The following NCOA2 variants were observed in gnomAD, a reference collection of about 807,000 sequenced individuals.
NCOA2 encodes the protein nuclear receptor coactivator 2, also known as class E basic helix-loop-helix protein 75.
NCOA2 carries 21 observed loss-of-function variants against 145.1 expected under a neutral mutation model. That is an observed-to-expected ratio of 0.14 (90% CI 0.10 to 0.21). NCOA2 has a LOEUF of 0.21. Among genes scored for constraint, NCOA2 ranks in the 10% least tolerant of loss-of-function variants. The probability of loss-of-function intolerance (pLI) is 1.00; values close to 1 mark genes in which losing one functional copy is unlikely to be tolerated. For synonymous variants in NCOA2, 619 were observed against 637.5 expected, an observed-to-expected ratio of 0.97 and a Z score of 0.44; for missense variants, 1,472 against 1,837.6, an observed-to-expected ratio of 0.80 and a Z score of 3.64.
chr8:70,412,314 AC>A, the NCOA2 span, among the ~76,000 whole-genome samples: 3 of 151,730 alleles, frequency 2.0e-5, no homozygotes, highest in African/African-American at 7.3e-5. Context: ...AGATTACTTT[AC>A]AAAAATAAGT....
At chr8:70,201,433 G>A (rs779113886) in intron 4 of NCOA2, among the ~76,000 whole-genome samples, 31 of 152,142 alleles carry the variant, frequency 2.0e-4, no homozygotes, top group Non-Finnish European at 3.8e-4. Flanking sequence ...CACCTAAGCT[G>A]TAAGAGGCTC....
chr8:70,185,808 A>G (rs868785778), intron 4 of NCOA2, among the ~76,000 whole-genome samples: 1 of 152,158 alleles, frequency 6.6e-6, no homozygotes, highest in East Asian at 1.9e-4. Flanking sequence ...AGGGAGGAAA[A>G]TAAGTGGGTA....
At chr8:70,335,340 G>C (rs1807493442) in intron 1 of NCOA2, among the ~76,000 whole-genome samples, 1 of 151,978 alleles carries the variant, frequency 6.6e-6, no homozygotes, top group African/African-American at 2.4e-5. Context: ...CTCAAAAGCA[G>C]AACTGAGCTG....
the NCOA2 span, among the ~76,000 whole-genome samples, chr8:70,418,939 T>A: frequency 6.6e-6 from 1 of 152,280 alleles, no homozygotes; most frequent in South Asian, 2.1e-4. Flanking sequence ...ATAAACATAA[T>A]ACCAGCAATG....
At chr8:70,147,573 T>C (rs542642878) in intron 12 of NCOA2, among the ~76,000 whole-genome samples, 49 of 152,354 alleles carry the variant, frequency 3.2e-4, no homozygotes, top group East Asian at 1.9e-4. Flanking sequence ...ACTTCAGGTA[T>C]TAATCAAGTT....
Position 70,119,029 on chromosome 8 carries a change from T to TG in NCOA2, c.4383+2272dup, listed in dbSNP as rs1807468912. The stretch of plus-strand genomic sequence containing the variant: ...TTTTATTTTTATTTGTTCAAATTTA[T>TG]GGGGGTACATATGAAATTTCATTAC... On this transcript the variant is annotated intron_variant, in intron 22 of 22. Coordinates refer to ENST00000452400, the MANE Select transcript of NCOA2 (RefSeq NM_006540.4). Among the ~76,000 whole-genome samples the TG allele has an allele frequency of 2.0e-5, 3 of 152,278 alleles. No homozygotes were observed. The South Asian group carries it at 6.2e-4, about 32-fold the overall frequency.
intron 1 of NCOA2, among the ~76,000 whole-genome samples, chr8:70,381,833 C>T (rs964049629): frequency 3.9e-5 from 6 of 152,098 alleles, no homozygotes; most frequent in African/African-American, 9.7e-5. Context: ...GTGCTCACAA[C>T]CACAATAAAT....
chr8:70,191,469 C>G (rs1039065229), intron 4 of NCOA2, among the ~76,000 whole-genome samples: 1 of 152,210 alleles, frequency 6.6e-6, no homozygotes, highest in Non-Finnish European at 1.5e-5. Flanking sequence ...CTAGTCCCCC[C>G]ACTTAGAATA....
At chr8:70,222,259 A>G (rs1820206199) in intron 2 of NCOA2, among the ~76,000 whole-genome samples, 1 of 152,214 alleles carries the variant, frequency 6.6e-6, no homozygotes, top group Non-Finnish European at 1.5e-5. Context: ...TTTTAAAAAT[A>G]ACAATAAGAT....
chr8:70,166,763 G>C lies in NCOA2; in HGVS notation c.542-9C>G. The C allele has an allele frequency of 2.5e-6, 4 of 1,604,488 alleles. No individual in the cohort carries two copies. The South Asian group carries it at 4.5e-5, about 18-fold the overall frequency. On this transcript the variant is annotated splice_polypyrimidine_tract_variant and intron_variant, in intron 6 of 22. Transcript: ENST00000452400. ...CCAAGATCCCCCATTTACTGAGCAA[G>C]GCAAAAGTAATCCAGTTTTACAAAG...
At chr8:70,226,008 T>A (rs910485717) in intron 2 of NCOA2, among the ~76,000 whole-genome samples, 1 of 152,136 alleles carries the variant, frequency 6.6e-6, no homozygotes, top group African/African-American at 2.4e-5. Context: ...TTAATAAACA[T>A]AAACTGTTAT....
At chr8:70,302,326 G>A (rs1318271297) in intron 1 of NCOA2, among the ~76,000 whole-genome samples, 1 of 152,080 alleles carries the variant, frequency 6.6e-6, no homozygotes, top group Non-Finnish European at 1.5e-5. Context: ...GTTTGATGGT[G>A]CTAATAAGCA....
intron 1 of NCOA2, among the ~76,000 whole-genome samples, chr8:70,316,765 A>AC (rs1805614653): frequency 6.6e-6 from 1 of 152,194 alleles, no homozygotes; most frequent in South Asian, 2.1e-4. Flanking sequence ...AACCGAAGTA[A>AC]CCTGATGTTA....
At chr8:70,179,630 T>C (rs1171769393) in intron 4 of NCOA2, among the ~76,000 whole-genome samples, 2 of 152,216 alleles carry the variant, frequency 1.3e-5, no homozygotes, top group Non-Finnish European at 2.9e-5. Flanking sequence ...TTAAATATTT[T>C]TAAATAAGGC....
At chr8:70,226,885 T>C (rs1441243707) in intron 2 of NCOA2, among the ~76,000 whole-genome samples, 1 of 152,162 alleles carries the variant, frequency 6.6e-6, no homozygotes, top group African/African-American at 2.4e-5. Context: ...GTTACTAAAA[T>C]TGCCCTTCTA....
intron 4 of NCOA2, among the ~76,000 whole-genome samples, chr8:70,176,662 G>A (rs1014220694): frequency 6.6e-6 from 1 of 152,018 alleles, no homozygotes; most frequent in Non-Finnish European, 1.5e-5. Flanking sequence ...AATTTTTTTG[G>A]CAGTTCACTC....
In NCOA2 at chr8:70,144,681, T is replaced by A. The variant is rs1165939359; in HGVS notation, c.2773A>T (p.Met925Leu). Residue 925 changes from methionine (M) to leucine (L), a missense_variant, in exon 13 of 23, where the codon ATG becomes TTG. Around this residue, in one of 4 missense-constraint regions of NCOA2, gnomAD observed 953 missense variants for 1,062.1 expected, o/e 0.90. Coordinates refer to ENST00000452400, the MANE Select transcript of NCOA2 (RefSeq NM_006540.4). The part of the protein sequence containing the change: ...PQPGMMGNQG[M>L]IGNQGNLGNS... ...CCTAAATTTCCTTGGTTTCCTATCATCCCTTGATTACCCATCATTCCTGGC... is the reference window on the plus strand; with the variant it reads ...CCTAAATTTCCTTGGTTTCCTATCAACCCTTGATTACCCATCATTCCTGGC... 1 of 1,613,966 alleles carries A rather than the reference T, an allele frequency of 6.2e-7. No individual in the cohort carries two copies. The highest frequency in any genetic ancestry group is 1.7e-5 in the Admixed American group (1 of 60,022).
chr8:70,160,598 T>C (rs1346699376), intron 9 of NCOA2, among the ~76,000 whole-genome samples: 1 of 150,398 alleles, frequency 6.6e-6, no homozygotes, highest in African/African-American at 2.5e-5. Flanking sequence ...GTGGGTTGAA[T>C]AGTTACCCCT....
At chr8:70,389,438 A>G (rs573102927) in intron 1 of NCOA2, among the ~76,000 whole-genome samples, 15 of 149,822 alleles carry the variant, frequency 1.0e-4, no homozygotes, top group African/African-American at 3.7e-4. Flanking sequence ...GCGCCACCAC[A>G]CCTGGCTAAT....
Sources: allele counts gnomAD v4.1 joint callset (sites outside exome capture counted in the v4.1 genomes callset), GRCh38; gene constraint gnomAD v4.1.1; regional missense constraint gnomAD v4.1.1; transcripts MANE v1.5; gene names NCBI Gene and HGNC (gene_info 2026-07-23, HGNC 2026-07-21).